TMEM123: variants seen among roughly 807,000 people sequenced by gnomAD.
TMEM123 encodes porimin.
Under a neutral mutation model 19.7 loss-of-function variants are expected in TMEM123, and 16 were observed. The ratio of observed to expected loss-of-function variants is 0.81; its 90% CI spans 0.55 to 1.23. The LOEUF (loss-of-function observed/expected upper bound fraction) is 1.23. Ranked by LOEUF, TMEM123 falls within the 50% of genes most tolerant of loss-of-function variation. The probability of loss-of-function intolerance (pLI) is 0.00; values close to 1 mark genes in which losing one functional copy is unlikely to be tolerated. For synonymous variants in TMEM123, 118 were observed against 99.4 expected, an observed-to-expected ratio of 1.19 and a Z score of -1.12; for missense variants, 313 against 257.8, an observed-to-expected ratio of 1.21 and a Z score of -1.47.
chr11:102,407,956 G>A (rs1203299511), intron 2 of TMEM123, among the ~76,000 whole-genome samples: 2 of 152,122 alleles, frequency 1.3e-5, no homozygotes, highest in East Asian at 1.9e-4. Flanking sequence ...TCTGTGCAAC[G>A]GTACAACTGG....
intron 2 of TMEM123, among the ~76,000 whole-genome samples, chr11:102,415,839 A>G (rs1294410842): frequency 6.6e-6 from 1 of 152,238 alleles, no homozygotes; most frequent in Admixed American, 6.5e-5. Flanking sequence ...GCTGAACTCA[A>G]TGAAATTGAG....
Position 102,401,783 on chromosome 11 carries a change from C to T in TMEM123, c.449-91G>A, listed in dbSNP as rs1591552713. 2.0e-6 allele frequency: 3 copies of T among 1,492,040 alleles called. No individual in the cohort carries two copies. The East Asian group carries it at 6.8e-5, about 34-fold the overall frequency. 92.4% of individuals were successfully genotyped at this position (1,492,040 alleles called of 1,614,324 possible). ...GCTCTCTGATTTTCTGTGTTAAGAACATTTAATTAGGAATTAAGGGAAATC... is the reference window on the plus strand; with the variant it reads ...GCTCTCTGATTTTCTGTGTTAAGAATATTTAATTAGGAATTAAGGGAAATC... On this transcript the variant is annotated intron_variant, in intron 3 of 4. Transcript: ENST00000398136.
rs371726803 is a variant in TMEM123, at chr11:102,399,215, A to T, written c.603-324T>A. Among the ~76,000 whole-genome samples the T allele has an allele frequency of 5.9e-5, 9 of 152,342 alleles. No individual in the cohort carries two copies. The East Asian group carries it at 9.6e-4, about 16-fold the overall frequency. ...ATCCCAGAACTCTAGGAGGTCAGAA[A>T]GGAGGATCACTTGAGCCCAGGAGTT... On this transcript the variant is annotated intron_variant, in intron 4 of 4. Transcript: ENST00000398136.
Position 102,397,322 on chromosome 11 carries a change from G to A in TMEM123, c.*1545C>T, listed in dbSNP as rs1951865916. ...TTTATTGTACTCCTATTAAATGTAG[G>A]TGCATGTTCATTAGGACATCTGAGC... On this transcript the variant is annotated 3_prime_UTR_variant, in exon 5 of 5. Transcript: ENST00000398136. 1 of 152,094 alleles carries A rather than the reference G, an allele frequency of 6.6e-6. No individual in the cohort carries two copies. The highest frequency in any genetic ancestry group is 2.1e-4 in the South Asian group (1 of 4,824). 9.4% of individuals were successfully genotyped at this position (152,094 alleles called of 1,614,324 possible). A position where few individuals can be genotyped will look rare whatever the true frequency, so the allele number is the denominator to read the frequency against.
Position 102,402,117 on chromosome 11 carries a change from T to TA in TMEM123, c.246dup (p.Asn83Ter). 6.2e-7 allele frequency: 1 copy of TA among 1,614,188 alleles called. No individual in the cohort carries two copies. Among genetic ancestry groups the TA allele is most frequent in the South Asian group, 1.1e-5 (1 of 91,080 alleles). On this transcript the variant is annotated frameshift_variant, in exon 3 of 5. Transcript: ENST00000398136. LOFTEE classifies it high-confidence loss of function. ...GGTTTCATGGTGGTGACCGTTGTAT[T>TA]ACTGGAGTCTGAGGCAACTGAAGTT...
intron 2 of TMEM123, among the ~76,000 whole-genome samples, chr11:102,441,189 C>G (rs180978036): frequency 1.3e-5 from 2 of 152,132 alleles, no homozygotes; most frequent in Non-Finnish European, 1.5e-5. Context: ...CTGCACCAAG[C>G]GGACCTAATA....
At chr11:102,408,542 A>G (rs902986113) in intron 2 of TMEM123, among the ~76,000 whole-genome samples, 2 of 152,168 alleles carry the variant, frequency 1.3e-5, no homozygotes, top group African/African-American at 4.8e-5. Flanking sequence ...TGGTCTATAA[A>G]TCAGGGCTAT....
At chr11:102,435,492 T>C (rs901333000) in intron 2 of TMEM123, among the ~76,000 whole-genome samples, 3 of 151,844 alleles carry the variant, frequency 2.0e-5, no homozygotes, top group Admixed American at 2.0e-4. Flanking sequence ...CTGGTGTGTA[T>C]CTAAAATGGT....
At chr11:102,428,203 A>G (rs1163930534) in intron 2 of TMEM123, among the ~76,000 whole-genome samples, 3 of 152,178 alleles carry the variant, frequency 2.0e-5, no homozygotes, top group Non-Finnish European at 2.9e-5. Context: ...TAGGATGTTG[A>G]TATTTCAGAT....
rs937139188 is a variant in TMEM123, at chr11:102,396,563, ATTGT to A, written c.*2300_*2303del. The A allele has an allele frequency of 8.5e-5, 13 of 152,302 alleles. No homozygotes were observed. The highest frequency in any genetic ancestry group is 2.1e-4 in the South Asian group (1 of 4,826). 9.4% of individuals were successfully genotyped at this position (152,302 alleles called of 1,614,324 possible). A position where few individuals can be genotyped will look rare whatever the true frequency, so the allele number is the denominator to read the frequency against. On this transcript the variant is annotated 3_prime_UTR_variant, in exon 5 of 5. Transcript: ENST00000398136. ...TTCTGCCTAGTACTTATACATCTGG[ATTGT>A]TTGTTTTGATCTTCAGATAAATACA...
rs142290023 is a variant in TMEM123, at chr11:102,446,647, T to G, written c.157+2165A>C. On this transcript the variant is annotated intron_variant, in intron 2 of 4. Coordinates refer to ENST00000398136, the MANE Select transcript of TMEM123 (RefSeq NM_052932.3). ...CTGCATACCTACTATGCACCAGGCA[T>G]AGAGTGAGATGTTAGGATGAATAAA... Among the ~76,000 whole-genome samples the G allele has an allele frequency of 2.2e-3, 329 of 152,318 alleles. 2 individuals carry two copies. Among genetic ancestry groups the G allele is most frequent in the African/African-American group, 7.7e-3 (321 of 41,582 alleles).
intron 2 of TMEM123, among the ~76,000 whole-genome samples, chr11:102,436,178 T>C (rs1857760551): frequency 6.6e-6 from 1 of 151,928 alleles, no homozygotes; most frequent in African/African-American, 2.4e-5. Context: ...TTTATTTTAT[T>C]TTGAGATGGA....
At chr11:102,409,851 C>G (rs889548776) in intron 2 of TMEM123, among the ~76,000 whole-genome samples, 1 of 148,496 alleles carries the variant, frequency 6.7e-6, no homozygotes, top group African/African-American at 2.5e-5. Flanking sequence ...GGTGACAGAG[C>G]AAGACTCCGT....
intron 2 of TMEM123, among the ~76,000 whole-genome samples, chr11:102,437,668 T>A (rs954349306): frequency 3.3e-5 from 5 of 152,180 alleles, no homozygotes; most frequent in Non-Finnish European, 7.4e-5. Flanking sequence ...GTCTTGAGAG[T>A]ACAGGGTGTA....
At chr11:102,428,779 G>C (rs751672160) in intron 2 of TMEM123, among the ~76,000 whole-genome samples, 6 of 152,112 alleles carry the variant, frequency 3.9e-5, no homozygotes, top group Non-Finnish European at 8.8e-5. Context: ...CATTTTTGCT[G>C]CAGCTCATCA....
At position 102,402,047 on chromosome 11, in the gene TMEM123, T is replaced by G; in HGVS notation, c.317A>C (p.Asn106Thr). The G allele has an allele frequency of 4.3e-6, 7 of 1,613,982 alleles. No individual in the cohort carries two copies. Among genetic ancestry groups the G allele is most frequent in the Non-Finnish European group, 5.9e-6 (7 of 1,179,976 alleles). ...AGACTTTAAGGTGGTAGAAGTCATA[T>G]TTGTTGAGACCATCCCTGGTGTTGT... is the stretch of plus-strand genomic sequence containing the variant. ...NTTTPGMVST[N>T]MTSTTLKSTP... The change falls in exon 3 of 5, where the codon AAT (asparagine) becomes ACT (threonine). Residue 106 changes from asparagine to threonine, a missense_variant. Asn to Thr is a moderately conservative substitution (Grantham distance 65). Coordinates refer to ENST00000398136, the MANE Select transcript of TMEM123 (RefSeq NM_052932.3).
intron 2 of TMEM123, among the ~76,000 whole-genome samples, chr11:102,439,489 G>A (rs1857801082): frequency 6.6e-6 from 1 of 152,162 alleles, no homozygotes; most frequent in Non-Finnish European, 1.5e-5. Flanking sequence ...GGTCCTGACT[G>A]TTAGAAGGAA....
chr11:102,399,145 T>C (rs1365000941), intron 4 of TMEM123, among the ~76,000 whole-genome samples: 1 of 152,202 alleles, frequency 6.6e-6, no homozygotes. Context: ...TGTAAGTCCC[T>C]ATTAAATATT....
At chr11:102,399,591 T>C (rs1951892075) in intron 4 of TMEM123, among the ~76,000 whole-genome samples, 1 of 152,388 alleles carries the variant, frequency 6.6e-6, no homozygotes, top group African/African-American at 2.4e-5. Flanking sequence ...ACTGTGAATG[T>C]GTCTGATCTC....
Sources: allele counts gnomAD v4.1 joint callset (sites outside exome capture counted in the v4.1 genomes callset), GRCh38; gene constraint gnomAD v4.1.1; transcripts MANE v1.5; gene names NCBI Gene and HGNC (gene_info 2026-07-23, HGNC 2026-07-21).